The following APBB1IP variants were observed in gnomAD, a reference collection of about 807,000 sequenced individuals.
APBB1IP encodes amyloid beta A4 precursor protein-binding family B member 1-interacting protein.
Under a neutral mutation model 64.9 loss-of-function variants are expected in APBB1IP, and 27 were observed. The ratio of observed to expected loss-of-function variants is 0.42; its 90% confidence interval spans 0.31 to 0.57. The LOEUF is 0.57. Ranked by LOEUF, APBB1IP falls within the 20% of genes least tolerant of loss-of-function variation. The pLI is 0.20. For missense variants in APBB1IP, 812 were observed against 845.5 expected (o/e 0.96, Z 0.49); for synonymous variants, 392 against 331.0 (o/e 1.18, Z -2.00).
chr10:26,567,229 A>G lies in APBB1IP; in HGVS notation c.1742A>G (p.Asp581Gly). 7.5e-7 allele frequency: 1 copy of G among 1,327,134 alleles called. No homozygotes were observed. Among genetic ancestry groups the G allele is most frequent in the Non-Finnish European group, 9.6e-7 (1 of 1,039,022 alleles). The allele number at this position is 1,327,134 out of a possible 1,614,324, so 82.2% of individuals were successfully genotyped here. Residue 581 changes from aspartate (D) to glycine (G), a missense_variant, in exon 15 of 15, where the codon GAC becomes GGC. Around this residue, in one of 3 missense-constraint regions of APBB1IP, gnomAD observed 381 missense variants for 352.1 expected, o/e 1.08. Transcript: ENST00000376236. ...CCGGACTTCATGGAGCCGCCCCCAG[A>G]CTTCGTGCCCCCGCCCCCGCCGTCG... ...PPPDFMEPPP[D>G]FVPPPPPSYA...
At chr10:26,464,688 C>A (rs1051501036) in intron 2 of APBB1IP, among the ~76,000 whole-genome samples, 4 of 152,206 alleles carry the variant, frequency 2.6e-5, no homozygotes, top group African/African-American at 9.7e-5. Context: ...GGATTACAGG[C>A]GTGAGCCACC....
At position 26,500,885 on chromosome 10, in the gene APBB1IP, G is replaced by A. The variant is rs1191010173; in HGVS notation, c.227G>A (p.Ser76Asn). Residue 76 changes from serine (S) to asparagine (N), a missense_variant, in exon 5 of 15, where the codon AGT becomes AAT. Transcript: ENST00000376236. Reference protein sequence around the residue: ...ALMADLVADISEAEQRTIQAQ... With the variant: ...ALMADLVADINEAEQRTIQAQ... ...ATGGCAGATCTGGTAGCAGACATAA[G>A]TGAGGCTGAGCAGAGGACAATCCAG... 2 of 1,614,200 alleles carry A rather than the reference G, an allele frequency of 1.2e-6. No individual in the cohort carries two copies. Among genetic ancestry groups the A allele is most frequent in the African/African-American group, 2.7e-5 (2 of 75,054 alleles).
chr10:26,439,371 A>G (rs1835314688), intron 2 of APBB1IP, among the ~76,000 whole-genome samples: 1 of 152,068 alleles, frequency 6.6e-6, no homozygotes, highest in African/African-American at 2.4e-5. Context: ...ACTTTTGGAC[A>G]ACTCTTTCCT....
chr10:26,535,540 A>G (rs11015157), intron 9 of APBB1IP, among the ~76,000 whole-genome samples: 15,014 of 152,162 alleles, frequency 0.099, 1,032 homozygotes, highest in East Asian at 0.23. Context: ...GCTTTCAAAT[A>G]GTAGGTCTTA....
chr10:26,540,521 A>C (rs1836684235), intron 10 of APBB1IP, among the ~76,000 whole-genome samples: 1 of 152,000 alleles, frequency 6.6e-6, no homozygotes, highest in Non-Finnish European at 1.5e-5. Flanking sequence ...TATATATTTT[A>C]AATGTGACTA....
At position 26,501,060 on chromosome 10, in the gene APBB1IP, T is replaced by C. The variant is rs184323036; in HGVS notation, c.402T>C (p.Asp134=). 250 of 1,614,190 alleles carry C rather than the reference T, an allele frequency of 1.5e-4. 2 individuals are homozygous for C. In the East Asian group the frequency reaches 5.4e-3, roughly 35 times the overall value. Residue 134 remains aspartate (D), a synonymous_variant, in exon 5 of 15, where the codon GAT becomes GAC. Transcript: ENST00000376236. Reference sequence around the variant, plus strand: ...ATGACTTACCACCTCCACCAGCCGATCCTGTGTTAGACCTTCCACTGCCAC... The same window carrying C: ...ATGACTTACCACCTCCACCAGCCGACCCTGTGTTAGACCTTCCACTGCCAC... ...YEDDLPPPPA[D]PVLDLPLPPP...
At chr10:26,534,871 G>T (rs1421320838) in intron 9 of APBB1IP, among the ~76,000 whole-genome samples, 1 of 152,078 alleles carries the variant, frequency 6.6e-6, no homozygotes, top group Non-Finnish European at 1.5e-5. Flanking sequence ...TGTCTAATTG[G>T]GGTCAAAACT....
intron 11 of APBB1IP, among the ~76,000 whole-genome samples, chr10:26,548,072 G>A (rs1184972457): frequency 2.0e-5 from 3 of 152,106 alleles, no homozygotes. Flanking sequence ...ATCAGTTTGT[G>A]ACTCCTCCAG....
At chr10:26,499,080 A>G (rs1238139237) in intron 4 of APBB1IP, among the ~76,000 whole-genome samples, 1 of 152,152 alleles carries the variant, frequency 6.6e-6, no homozygotes. Context: ...TCTGGGCAAC[A>G]TAATGAGACC....
At chr10:26,493,627 G>A (rs72803274) in intron 3 of APBB1IP, among the ~76,000 whole-genome samples, 12,782 of 152,126 alleles carry the variant, frequency 0.084, 622 homozygotes, top group Middle Eastern at 0.16. Flanking sequence ...TGACAATGAT[G>A]GGTTAAAGAA....
At chr10:26,461,075 A>C (rs1319558319) in intron 2 of APBB1IP, among the ~76,000 whole-genome samples, 1 of 152,110 alleles carries the variant, frequency 6.6e-6, no homozygotes, top group Non-Finnish European at 1.5e-5. Context: ...TATTATAGGA[A>C]CACATCATAA....
chr10:26,552,124 C>T (rs1836839322), intron 11 of APBB1IP, among the ~76,000 whole-genome samples: 1 of 152,116 alleles, frequency 6.6e-6, no homozygotes, highest in Non-Finnish European at 1.5e-5. Context: ...CATATCAAGA[C>T]CCCATCTCTA....
At chr10:26,464,829 T>C (rs780604571) in intron 2 of APBB1IP, among the ~76,000 whole-genome samples, 2 of 152,222 alleles carry the variant, frequency 1.3e-5, no homozygotes, top group Non-Finnish European at 2.9e-5. Flanking sequence ...GTTTGACTCA[T>C]TCAGTTACCA....
intron 6 of APBB1IP, 105 bp from the exon 7 acceptor site, chr10:26,511,642 A>G: frequency 7.3e-7 from 1 of 1,371,330 alleles, no homozygotes; most frequent in South Asian, 1.3e-5. Flanking sequence ...CACCAAACAC[A>G]TTCTTACAGA....
Position 26,567,451 on chromosome 10 carries a change from T to C in APBB1IP, c.1964T>C (p.Met655Thr), listed in dbSNP as rs1336547880. 6.2e-7 allele frequency: 1 copy of C among 1,601,048 alleles called. No homozygotes were observed. The highest frequency in any genetic ancestry group is 2.3e-5 in the East Asian group (1 of 44,202). Residue 655 changes from methionine to threonine, a missense_variant, in exon 15 of 15, where the codon ATG (methionine) becomes ACG (threonine). Met to Thr is a moderately conservative substitution (Grantham distance 81). Coordinates refer to ENST00000376236, the MANE Select transcript of APBB1IP (RefSeq NM_019043.4). ...GGEQDFMSDLMKALQKKRGNV... is the reference protein window; with the variant it reads ...GGEQDFMSDLTKALQKKRGNV... ...GAGCAAGATTTCATGTCAGACCTCATGAAAGCTTTGCAAAAGAAGAGAGGC... is the reference window on the plus strand; with the variant it reads ...GAGCAAGATTTCATGTCAGACCTCACGAAAGCTTTGCAAAAGAAGAGAGGC...
At chr10:26,491,049 C>G (rs569295447) in intron 2 of APBB1IP, among the ~76,000 whole-genome samples, 10 of 152,014 alleles carry the variant, frequency 6.6e-5, no homozygotes, top group Non-Finnish European at 2.9e-5. Flanking sequence ...GAAGTCGAGG[C>G]GAGTGGATCA....
intron 2 of APBB1IP, among the ~76,000 whole-genome samples, chr10:26,469,559 A>AT (rs1252582401): frequency 6.6e-6 from 1 of 151,632 alleles, no homozygotes; most frequent in African/African-American, 2.4e-5. Flanking sequence ...CAATATAAGC[A>AT]TTTTCTATTT....
chr10:26,524,912 A>G (rs1436987026), intron 8 of APBB1IP, among the ~76,000 whole-genome samples: 1 of 131,564 alleles, frequency 7.6e-6, no homozygotes, highest in East Asian at 2.4e-4. Context: ...AAGATTGCAT[A>G]TAATCTATGC....
At chr10:26,506,919 AG>A (rs1836186764) in intron 6 of APBB1IP, among the ~76,000 whole-genome samples, 1 of 152,202 alleles carries the variant, frequency 6.6e-6, no homozygotes, top group African/African-American at 2.4e-5. Context: ...CTCTCTGAGC[AG>A]GCAGCCCTGA....
Sources: gnomAD v4.1 joint callset for allele counts (sites outside exome capture counted in the v4.1 genomes callset) on GRCh38, gnomAD v4.1.1 for gene constraint, gnomAD v4.1.1 regional missense constraint, MANE v1.5 for transcripts, NCBI Gene and HGNC (gene_info 2026-07-23, HGNC 2026-07-21) for gene names.